Variants in IPCEF1 observed in about 807,000 individuals in gnomAD.
IPCEF1 encodes interactor protein for cytohesin exchange factors 1.
A neutral mutation model predicts 50.9 loss-of-function variants in IPCEF1; 31 were observed. That is an observed-to-expected ratio of 0.61 (90% CI 0.46 to 0.82). IPCEF1 has a LOEUF of 0.82. IPCEF1 is among the 40% of genes least tolerant of loss of function. The pLI is 0.00. For synonymous variants in IPCEF1, 181 were observed against 192.0 expected, an observed-to-expected ratio of 0.94 and a Z score of 0.47; for missense variants, 458 against 514.0, an observed-to-expected ratio of 0.89 and a Z score of 1.05.
intron 1 of IPCEF1, among the ~76,000 whole-genome samples, chr6:154,300,653 A>T (rs1168206912): frequency 6.6e-6 from 1 of 152,146 alleles, no homozygotes; most frequent in Non-Finnish European, 1.5e-5. Context: ...CAATAACAAC[A>T]ACAAAAAAAG....
intron 1 of IPCEF1, among the ~76,000 whole-genome samples, chr6:154,313,374 C>T (rs1452223620): frequency 7.8e-6 from 1 of 128,024 alleles, no homozygotes; most frequent in Non-Finnish European, 1.7e-5. Flanking sequence ...GATTCTGTCT[C>T]AAAAAAAAAA....
intron 1 of IPCEF1, among the ~76,000 whole-genome samples, chr6:154,303,815 C>T (rs192965676): frequency 3.5e-4 from 54 of 152,160 alleles, no homozygotes; most frequent in African/African-American, 8.2e-4. Context: ...TAATTACATG[C>T]GAGGCTGAGT....
chr6:154,174,433 G>A (rs1464395077), intron 10 of IPCEF1, among the ~76,000 whole-genome samples: 3 of 152,096 alleles, frequency 2.0e-5, no homozygotes, highest in Non-Finnish European at 2.9e-5. Flanking sequence ...CCCATCTCAC[G>A]TGCAGAGACA....
At chr6:154,329,118 A>G (rs912535423) in intron 1 of IPCEF1, among the ~76,000 whole-genome samples, 1 of 152,210 alleles carries the variant, frequency 6.6e-6, no homozygotes, top group Non-Finnish European at 1.5e-5. Flanking sequence ...TTTAAATTAC[A>G]TTTTAAAAAT....
At chr6:154,242,341 T>C (rs1280076786) in intron 5 of IPCEF1, among the ~76,000 whole-genome samples, 1 of 152,240 alleles carries the variant, frequency 6.6e-6, no homozygotes, top group Admixed American at 6.5e-5. Flanking sequence ...CCTGGAAAAC[T>C]ATTTTCTGTC....
chr6:154,272,165 C>T lies in IPCEF1; in HGVS notation c.-17-6201G>A, dbSNP rs1017855561. On this transcript the variant is annotated intron_variant, in intron 2 of 11. Transcript: ENST00000367220. ...TCATAAGGTGTTTGTGAGAATTAAA[C>T]GAGATATCATATGGGAAGCACACAG... is the stretch of plus-strand genomic sequence containing the variant. Among the ~76,000 whole-genome samples the T allele has an allele frequency of 5.9e-5, 9 of 152,150 alleles. 1 individual carries two copies. In the South Asian group the frequency reaches 1.2e-3, roughly 21 times the overall value.
intron 1 of IPCEF1, among the ~76,000 whole-genome samples, chr6:154,296,241 G>A (rs1376188504): frequency 6.6e-6 from 1 of 152,168 alleles, no homozygotes; most frequent in Non-Finnish European, 1.5e-5. Flanking sequence ...CACCCAGAGG[G>A]CACCAAGAGG....
At chr6:154,329,093 A>C (rs1783592998) in intron 1 of IPCEF1, among the ~76,000 whole-genome samples, 1 of 152,224 alleles carries the variant, frequency 6.6e-6, no homozygotes, top group African/African-American at 2.4e-5. Flanking sequence ...TTTCCAGGAC[A>C]CAGGAAAAAA....
rs116263312 is a variant in IPCEF1, at chr6:154,169,189, G to A, written c.911-1076C>T. ...CACACTTGACAACATGGTAAAACCCGTTGTCTACTAAAATACAAAAAATTA... is the reference window on the plus strand; with the variant it reads ...CACACTTGACAACATGGTAAAACCCATTGTCTACTAAAATACAAAAAATTA... On this transcript the variant is annotated intron_variant, in intron 10 of 11. Coordinates refer to ENST00000367220, the MANE Select transcript of IPCEF1 (RefSeq NM_001130700.2). 3.0e-3 allele frequency among the ~76,000 whole-genome samples: 452 copies of A among 152,112 alleles called. 2 individuals are homozygous for A. Among genetic ancestry groups the A allele is most frequent in the African/African-American group, 0.01 (424 of 41,516 alleles).
intron 1 of IPCEF1, among the ~76,000 whole-genome samples, chr6:154,313,075 A>AAAAAAAAAG: frequency 6.7e-6 from 1 of 149,180 alleles, no homozygotes; most frequent in Non-Finnish European, 1.5e-5. Flanking sequence ...CTCAAAAAAA[A>AAAAAAAAAG]AAAAAAAAAA....
intron 10 of IPCEF1, among the ~76,000 whole-genome samples, chr6:154,175,300 G>A (rs998240810): frequency 2.0e-5 from 3 of 150,772 alleles, no homozygotes; most frequent in African/African-American, 7.3e-5. Context: ...AAAGCTAGCA[G>A]AAGGCAAGAA....
intron 7 of IPCEF1, among the ~76,000 whole-genome samples, chr6:154,220,925 G>A (rs1379408109): frequency 6.6e-6 from 1 of 152,216 alleles, no homozygotes; most frequent in Non-Finnish European, 1.5e-5. Context: ...GTAGAATTCC[G>A]AAAGCTGCAA....
Position 154,236,809 on chromosome 6 carries a change from A to C in IPCEF1, c.246+9782T>G, listed in dbSNP as rs373770019. Among the ~76,000 whole-genome samples, 11 of 152,256 alleles carry C rather than the reference A, an allele frequency of 7.2e-5. No individual in the cohort carries two copies. The East Asian group carries it at 1.2e-3, about 16-fold the overall frequency. On this transcript the variant is annotated intron_variant, in intron 5 of 11. Coordinates refer to ENST00000367220, the MANE Select transcript of IPCEF1 (RefSeq NM_001130700.2). ...TCAAGGAGCCTCAGCATCAGGGTAG[A>C]ATCAGGGTAGAATTAAAATTGGGTG... is the stretch of plus-strand genomic sequence containing the variant.
chr6:154,318,232 T>A (rs1290597024), intron 1 of IPCEF1, among the ~76,000 whole-genome samples: 2 of 152,002 alleles, frequency 1.3e-5, no homozygotes, highest in African/African-American at 2.4e-5. Flanking sequence ...ACGGGAAAAA[T>A]TCTGGTTTTT....
chr6:154,288,485 A>G (rs1782421277), intron 2 of IPCEF1, among the ~76,000 whole-genome samples: 1 of 151,532 alleles, frequency 6.6e-6, no homozygotes. Flanking sequence ...AACATGGTGA[A>G]ACCCCTTCTC....
chr6:154,268,637 A>G (rs1348390992), intron 2 of IPCEF1, among the ~76,000 whole-genome samples: 1 of 152,160 alleles, frequency 6.6e-6, no homozygotes, highest in Non-Finnish European at 1.5e-5. Context: ...CTTTAAATAA[A>G]GATCAAAATT....
chr6:154,157,828 G>T lies in IPCEF1; in HGVS notation c.*2000C>A, dbSNP rs1424821602. The T allele has an allele frequency of 6.6e-6, 1 of 152,214 alleles. No individual in the cohort carries two copies. The highest frequency in any genetic ancestry group is 2.4e-5 in the African/African-American group (1 of 41,446). The allele number at this position is 152,214 out of a possible 1,614,324, so 9.4% of individuals were successfully genotyped here. A position where few individuals can be genotyped will look rare whatever the true frequency, so the allele number is the denominator to read the frequency against. On this transcript the variant is annotated 3_prime_UTR_variant, in exon 12 of 12. Transcript: ENST00000367220. ...TTCTGGTATCTGCTAATCACAGAAA[G>T]AATCAGTAATTTCCAGGGGCAAAAG...
chr6:154,264,089 T>C (rs926190620), intron 3 of IPCEF1, among the ~76,000 whole-genome samples: 1 of 150,986 alleles, frequency 6.6e-6, no homozygotes, highest in Admixed American at 6.6e-5. Context: ...ACATTGATTC[T>C]CTTATTTGTT....
intron 10 of IPCEF1, among the ~76,000 whole-genome samples, chr6:154,186,580 G>T (rs192334497): frequency 1.2e-3 from 187 of 151,026 alleles, no homozygotes; most frequent in African/African-American, 4.3e-3. Flanking sequence ...TTTTTGAGAC[G>T]GAGTCTCGCT....
Sources: gnomAD v4.1 joint callset for allele counts (sites outside exome capture counted in the v4.1 genomes callset) on GRCh38, gnomAD v4.1.1 for gene constraint, MANE v1.5 for transcripts, NCBI Gene and HGNC (gene_info 2026-07-23, HGNC 2026-07-21) for gene names.